Variants in POTEC observed in about 807,000 individuals in gnomAD.
The protein encoded by POTEC is ANKRD26-like family B member 2.
In POTEC, 35 loss-of-function variants were observed where a neutral mutation model predicts 62.0. That is an observed-to-expected ratio of 0.56 (90% CI 0.43 to 0.75). POTEC has a LOEUF of 0.75. Among genes scored for constraint, POTEC ranks in the 30% least tolerant of loss-of-function variants. The pLI, the probability that POTEC is intolerant of heterozygous loss-of-function variation, is 0.00. For synonymous variants in POTEC, 156 were observed against 221.5 expected, an observed-to-expected ratio of 0.70 and a Z score of 2.62; for missense variants, 472 against 655.9, an observed-to-expected ratio of 0.72 and a Z score of 3.06.
intron 2 of POTEC, 52 bp from the exon 3 acceptor site, chr18:14,538,026 A>C (rs1905806544): frequency 8.7e-6 from 14 of 1,600,696 alleles, no homozygotes; most frequent in Admixed American, 3.5e-5. Flanking sequence ...ATTCAAAATA[A>C]CATTCCACAG....
At chr18:14,539,865 T>A (rs1905874053) in intron 1 of POTEC, among the ~76,000 whole-genome samples, 1 of 152,088 alleles carries the variant, frequency 6.6e-6, no homozygotes, top group Non-Finnish European at 1.5e-5. Flanking sequence ...AACATGAAGT[T>A]TTCAAAGGTG....
rs534392578 is a variant in POTEC, at chr18:14,518,463, T to A, written c.1409+3791A>T. Among the ~76,000 whole-genome samples the A allele has an allele frequency of 9.2e-5, 14 of 151,560 alleles. No individual in the cohort carries two copies. In the South Asian group the frequency reaches 2.9e-3, roughly 32 times the overall value. On this transcript the variant is annotated intron_variant, in intron 9 of 10. Coordinates refer to ENST00000358970, the MANE Select transcript of POTEC (RefSeq NM_001137671.2). ...TAAAAGTCTCTAAGAAATGATGACATAAGGTTAACAGCGTTGATGTCAAGA... is the reference window on the plus strand; with the variant it reads ...TAAAAGTCTCTAAGAAATGATGACAAAAGGTTAACAGCGTTGATGTCAAGA...
chr18:14,524,848 T>C (rs1195647433), intron 7 of POTEC, 65 bp downstream of exon 7: 7 of 1,570,002 alleles, frequency 4.5e-6, no homozygotes, highest in Non-Finnish European at 4.3e-6. Flanking sequence ...ATTTGGACTA[T>C]CTAATATCGT....
At chr18:14,530,625 A>T in intron 5 of POTEC, 72 bp from the exon 6 acceptor site, 1 of 1,162,982 alleles carries the variant, frequency 8.6e-7, no homozygotes, top group Non-Finnish European at 1.2e-6. Flanking sequence ...CAAATGTAAA[A>T]TTCTTAGAGT....
At chr18:14,512,374 G>A (rs1402171502) in intron 10 of POTEC, among the ~76,000 whole-genome samples, 1 of 152,182 alleles carries the variant, frequency 6.6e-6, no homozygotes, top group Non-Finnish European at 1.5e-5. Context: ...TTAGCTATGC[G>A]TATATTAGGA....
intron 6 of POTEC, among the ~76,000 whole-genome samples, chr18:14,527,020 CTT>C (rs1209383949): frequency 6.6e-6 from 1 of 152,048 alleles, no homozygotes; most frequent in Non-Finnish European, 1.5e-5. Context: ...TAATAAATCA[CTT>C]AATATTTGGG....
At chr18:14,535,103 T>C in intron 3 of POTEC, 96 bp from the exon 4 acceptor site, 2 of 1,552,400 alleles carry the variant, frequency 1.3e-6, no homozygotes, top group Non-Finnish European at 1.7e-6. Flanking sequence ...TCACAGAAAG[T>C]AAATAAAATT....
At chr18:14,539,907 G>A (rs994464395) in intron 1 of POTEC, among the ~76,000 whole-genome samples, 1 of 152,094 alleles carries the variant, frequency 6.6e-6, no homozygotes, top group Non-Finnish European at 1.5e-5. Context: ...GAATATGCCT[G>A]CCATATAATA....
At chr18:14,522,016 T>TA (rs1177409011) in intron 9 of POTEC, among the ~76,000 whole-genome samples, 47 of 152,276 alleles carry the variant, frequency 3.1e-4, no homozygotes, top group Admixed American at 1.5e-3. Context: ...AAAAGTTCAT[T>TA]AAAAAGAAAA....
rs1454293366 is a variant in POTEC at position 14,507,389 on chromosome 18, G to A, written c.*4509C>T. ...GTATAGTCTGTTTTGTCAGAAACTA[G>A]GAGTGCAACACCTGCTTTTTTCTGT... On this transcript the variant is annotated 3_prime_UTR_variant, in exon 11 of 11. Transcript: ENST00000358970. 1 of 151,250 alleles carries A rather than the reference G, an allele frequency of 6.6e-6. No homozygotes were observed. The highest frequency in any genetic ancestry group is 1.5e-5 in the Non-Finnish European group (1 of 67,894). The allele number at this position is 151,250 out of a possible 1,614,324, so 9.4% of individuals were successfully genotyped here. A position where few individuals can be genotyped will look rare whatever the true frequency, so the allele number is the denominator to read the frequency against.
chr18:14,513,629 A>G, intron 10 of POTEC, 33 bp downstream of exon 10: 1 of 1,607,868 alleles, frequency 6.2e-7, no homozygotes, highest in Non-Finnish European at 8.5e-7. Flanking sequence ...ATATACACAT[A>G]TGAAAACATT....
intron 3 of POTEC, among the ~76,000 whole-genome samples, chr18:14,536,230 C>A (rs946709140): frequency 3.5e-5 from 5 of 143,244 alleles, no homozygotes; most frequent in African/African-American, 1.3e-4. Flanking sequence ...ATCTCAAAAA[C>A]AAACAAAAAT....
At chr18:14,523,765 A>T (rs1567911925) in intron 7 of POTEC, among the ~76,000 whole-genome samples, 1 of 152,142 alleles carries the variant, frequency 6.6e-6, no homozygotes, top group Non-Finnish European at 1.5e-5. Context: ...TTCACCTCAG[A>T]CAAAGGGAGA....
At chr18:14,520,117 T>C (rs1290762375) in intron 9 of POTEC, among the ~76,000 whole-genome samples, 2 of 152,184 alleles carry the variant, frequency 1.3e-5, no homozygotes, top group African/African-American at 2.4e-5. Context: ...AAGGACATCA[T>C]ACTTAGGAGT....
chr18:14,538,441 AG>A (rs2143166549), intron 1 of POTEC, among the ~76,000 whole-genome samples, 192 bp from the exon 2 acceptor site: 1 of 152,360 alleles, frequency 6.6e-6, no homozygotes, highest in East Asian at 1.9e-4. Flanking sequence ...CTATTTGAAT[AG>A]AAAGAGCACA....
intron 3 of POTEC, among the ~76,000 whole-genome samples, chr18:14,535,256 T>C (rs1905673565): frequency 6.8e-6 from 1 of 146,400 alleles, no homozygotes; most frequent in African/African-American, 2.6e-5. Flanking sequence ...TCTTTGTTTC[T>C]AAACGAGCAT....
intron 10 of POTEC, 45 bp from the exon 11 acceptor site, chr18:14,512,038 C>T (rs778750925): frequency 2.5e-5 from 35 of 1,393,690 alleles, no homozygotes; most frequent in Non-Finnish European, 3.4e-5. Context: ...AATAGAATGA[C>T]ATATCATGAT....
chr18:14,520,517 G>A (rs1475739762), intron 9 of POTEC, among the ~76,000 whole-genome samples: 4 of 152,060 alleles, frequency 2.6e-5, no homozygotes, highest in Non-Finnish European at 4.4e-5. Flanking sequence ...TCTATTAACA[G>A]GAATAAAGTG....
At chr18:14,530,928 T>TTATAAAGATTCAC (rs1905493013) in intron 5 of POTEC, among the ~76,000 whole-genome samples, 2 of 152,144 alleles carry the variant, frequency 1.3e-5, no homozygotes, top group African/African-American at 4.8e-5. Context: ...CTTTGCTGCC[T>TTATAAAGATTCAC]TATTTCACTA....
Sources: allele counts gnomAD v4.1 joint callset (sites outside exome capture counted in the v4.1 genomes callset), GRCh38; gene constraint gnomAD v4.1.1; transcripts MANE v1.5; gene names NCBI Gene and HGNC (gene_info 2026-07-23, HGNC 2026-07-21).